The following ELMO1 variants were observed in gnomAD, a reference collection of about 807,000 sequenced individuals.
The protein encoded by ELMO1 is engulfment and cell motility 1, also known as engulfment and cell motility protein 1.
Under a neutral mutation model 98.9 loss-of-function variants are expected in ELMO1, and 26 were observed. The ratio of observed to expected loss-of-function variants is 0.26; its 90% CI spans 0.19 to 0.36. The LOEUF (loss-of-function observed/expected upper bound fraction) is 0.36. Among genes scored for constraint, ELMO1 ranks in the 10% least tolerant of loss-of-function variants. The pLI, the probability that ELMO1 is intolerant of heterozygous loss-of-function variation, is 1.00. For missense variants in ELMO1, 627 were observed against 935.2 expected, an observed-to-expected ratio of 0.67 and a Z score of 4.30; for synonymous variants, 346 against 346.0, an observed-to-expected ratio of 1.00 and a Z score of 0.00.
At chr7:36,916,453 A>G (rs1201598675) in intron 16 of ELMO1, among the ~76,000 whole-genome samples, 1 of 152,240 alleles carries the variant, frequency 6.6e-6, no homozygotes, top group African/African-American at 2.4e-5. Flanking sequence ...AAACTCAAAT[A>G]ATGTAACAGT....
intron 7 of ELMO1, among the ~76,000 whole-genome samples, chr7:37,235,111 G>A (rs570196496): frequency 6.6e-6 from 1 of 152,214 alleles, no homozygotes; most frequent in South Asian, 2.1e-4. Context: ...GAAAAGAACA[G>A]AACATTAGAA....
At chr7:37,096,554 G>A (rs1287040582) in intron 15 of ELMO1, 65 bp downstream of exon 15, 2 of 1,396,268 alleles carry the variant, frequency 1.4e-6, no homozygotes, top group Non-Finnish European at 2.0e-6. Context: ...ACACAGGTAG[G>A]GGCACAACCC....
At chr7:37,370,703 C>T (rs923101541) in intron 1 of ELMO1, among the ~76,000 whole-genome samples, 5 of 152,092 alleles carry the variant, frequency 3.3e-5, no homozygotes, top group Non-Finnish European at 5.9e-5. Flanking sequence ...AGAGACCCCC[C>T]GCCAAGCTGA....
chr7:36,915,207 A>G (rs554505928), intron 16 of ELMO1, among the ~76,000 whole-genome samples: 1 of 152,298 alleles, frequency 6.6e-6, no homozygotes, highest in South Asian at 2.1e-4. Flanking sequence ...CTGGGATTAC[A>G]GGCTCAAGTC....
intron 15 of ELMO1, among the ~76,000 whole-genome samples, chr7:37,022,791 C>T (rs528577551): frequency 1.6e-4 from 24 of 152,314 alleles, no homozygotes; most frequent in African/African-American, 5.5e-4. Flanking sequence ...ATGTTCACAG[C>T]AGCACTATTT....
At chr7:37,337,819 T>C (rs1800504913) in intron 2 of ELMO1, among the ~76,000 whole-genome samples, 2 of 152,068 alleles carry the variant, frequency 1.3e-5, no homozygotes, top group African/African-American at 4.8e-5. Context: ...GAAGAGTTTA[T>C]GCAGGGAACA....
chr7:36,926,508 G>A (rs1785590414), intron 16 of ELMO1, among the ~76,000 whole-genome samples: 1 of 152,050 alleles, frequency 6.6e-6, no homozygotes, highest in African/African-American at 2.4e-5. Flanking sequence ...CCCCCCAACT[G>A]AGGTTGGAGT....
chr7:36,914,095 C>T (rs1024146583), intron 16 of ELMO1, among the ~76,000 whole-genome samples: 20 of 152,228 alleles, frequency 1.3e-4, no homozygotes, highest in Non-Finnish European at 2.2e-4. Flanking sequence ...GAAAGGAGAG[C>T]GTAAGGAAAG....
chr7:37,181,487 G>A (rs1441333976), intron 13 of ELMO1, among the ~76,000 whole-genome samples: 2 of 152,132 alleles, frequency 1.3e-5, no homozygotes, highest in Non-Finnish European at 2.9e-5. Flanking sequence ...CCTTGTATAA[G>A]CCAAGACTTT....
At chr7:37,420,837 C>T (rs148713321) in intron 1 of ELMO1, among the ~76,000 whole-genome samples, 65 of 152,350 alleles carry the variant, frequency 4.3e-4, no homozygotes, top group African/African-American at 1.5e-3. Context: ...CTTAGCCACA[C>T]GTGACCTGTC....
At chr7:37,227,296 CCT>C (rs2130578538) in intron 8 of ELMO1, among the ~76,000 whole-genome samples, 1 of 152,278 alleles carries the variant, frequency 6.6e-6, no homozygotes, top group African/African-American at 2.4e-5. Context: ...AAATTTACCC[CCT>C]GAATTAGTTG....
intron 20 of ELMO1, among the ~76,000 whole-genome samples, chr7:36,864,191 C>T (rs556650122): frequency 5.9e-5 from 9 of 152,320 alleles, no homozygotes; most frequent in Middle Eastern, 6.8e-3. Flanking sequence ...AGATGTGCTC[C>T]GGACAGGGTG....
intron 4 of ELMO1, among the ~76,000 whole-genome samples, chr7:37,312,330 C>T (rs1163809913): frequency 6.6e-6 from 1 of 152,178 alleles, no homozygotes; most frequent in Non-Finnish European, 1.5e-5. Context: ...CTCAGGTGAC[C>T]CACCCGCCTT....
intron 1 of ELMO1, among the ~76,000 whole-genome samples, chr7:37,361,920 C>T (rs1315732524): frequency 6.6e-6 from 1 of 152,104 alleles, no homozygotes; most frequent in South Asian, 2.1e-4. Flanking sequence ...AGAGGTTGCA[C>T]CACCACACTC....
chr7:36,950,722 C>G (rs976768491), intron 16 of ELMO1, among the ~76,000 whole-genome samples: 2 of 152,218 alleles, frequency 1.3e-5, no homozygotes, highest in African/African-American at 2.4e-5. Context: ...AGGGACAGAG[C>G]CCTTATGGAG....
At chr7:37,163,158 C>T (rs147208060) in intron 13 of ELMO1, among the ~76,000 whole-genome samples, 4 of 152,228 alleles carry the variant, frequency 2.6e-5, no homozygotes, top group African/African-American at 9.6e-5. Context: ...CTTTCCATTG[C>T]TTTTCCTCTT....
At chr7:36,965,552 T>G (rs754426097) in intron 16 of ELMO1, among the ~76,000 whole-genome samples, 25 of 152,156 alleles carry the variant, frequency 1.6e-4, no homozygotes, top group Non-Finnish European at 2.9e-4. Flanking sequence ...GTTTTATATG[T>G]AGGGTTCTAC....
chr7:37,216,825 A>G, intron 10 of ELMO1, 130 bp from the exon 11 acceptor site: 1 of 870,856 alleles, frequency 1.1e-6, no homozygotes, highest in Non-Finnish European at 1.9e-6. Context: ...GAAATAATGA[A>G]CTCAAACAGG....
chr7:37,041,156 C>G (rs1347160527), intron 15 of ELMO1, among the ~76,000 whole-genome samples: 1 of 150,896 alleles, frequency 6.6e-6, no homozygotes, highest in Non-Finnish European at 1.5e-5. Flanking sequence ...AAAAGAGGGG[C>G]ATATGCAATA....
Sources: gnomAD v4.1 joint callset for allele counts (sites outside exome capture counted in the v4.1 genomes callset) on GRCh38, gnomAD v4.1.1 for gene constraint, MANE v1.5 for transcripts, NCBI Gene and HGNC (gene_info 2026-07-23, HGNC 2026-07-21) for gene names.